AFF1: variants seen among roughly 807,000 people sequenced by gnomAD.
AFF1 encodes AF4/FMR2 family member 1.
A neutral mutation model predicts 121.7 loss-of-function variants in AFF1; 48 were observed. That is an observed-to-expected ratio of 0.39 (90% CI 0.31 to 0.50). AFF1 has a LOEUF of 0.50. AFF1 is among the 20% of genes least tolerant of loss of function. The pLI, the probability that AFF1 is intolerant of heterozygous loss-of-function variation, is 0.76. For synonymous variants in AFF1, 613 were observed against 563.0 expected (o/e 1.09, Z -1.26); for missense variants, 1,523 against 1,511.7 (o/e 1.01, Z -0.12).
In AFF1 at chr4:87,025,967, A is replaced by G. The variant is rs369680572; in HGVS notation, c.39-20199A>G. ...ACACAGCCTTACTCTACCCCTCACCACCATGTTTAGTGAGTAAATGATTTA... is the reference window on the plus strand; with the variant it reads ...ACACAGCCTTACTCTACCCCTCACCGCCATGTTTAGTGAGTAAATGATTTA... On this transcript the variant is annotated intron_variant, in intron 2 of 20. Coordinates refer to ENST00000395146, the MANE Select transcript of AFF1 (RefSeq NM_001166693.3). Among the ~76,000 whole-genome samples, 7 of 151,006 alleles carry G rather than the reference A, an allele frequency of 4.6e-5. No homozygotes were observed. In the East Asian group the frequency reaches 1.4e-3, roughly 30 times the overall value.
At chr4:87,028,136 G>GA (rs1728713100) in intron 2 of AFF1, among the ~76,000 whole-genome samples, 2 of 152,054 alleles carry the variant, frequency 1.3e-5, no homozygotes, top group Admixed American at 1.3e-4. Flanking sequence ...CAGATAAAGG[G>GA]ATACCCAGTC....
intron 2 of AFF1, among the ~76,000 whole-genome samples, chr4:86,960,022 C>G (rs1392095056): frequency 6.6e-6 from 1 of 152,098 alleles, no homozygotes; most frequent in Admixed American, 6.5e-5. Context: ...CTTTTCACAT[C>G]AAAGTGTAAA....
Position 87,137,381 on chromosome 4 carries a change from A to C in AFF1, c.*1680A>C. ...GGAACTCTCTTGGTAGTTTGTAAATACACAAAGGGATGTGTCGAGGGATGG... is the reference window on the plus strand; with the variant it reads ...GGAACTCTCTTGGTAGTTTGTAAATCCACAAAGGGATGTGTCGAGGGATGG... On this transcript the variant is annotated 3_prime_UTR_variant, in exon 21 of 21. Transcript: ENST00000395146. 4.4e-6 allele frequency: 1 copy of C among 229,732 alleles called. No homozygotes were observed. Among genetic ancestry groups the C allele is most frequent in the South Asian group, 1.8e-4 (1 of 5,490 alleles). The allele number at this position is 229,732 out of a possible 1,614,324, so 14.2% of individuals were successfully genotyped here. A position where few individuals can be genotyped will look rare whatever the true frequency, so the allele number is the denominator to read the frequency against.
chr4:87,057,733 T>A (rs916249273), intron 4 of AFF1, among the ~76,000 whole-genome samples: 3 of 152,214 alleles, frequency 2.0e-5, no homozygotes, highest in African/African-American at 7.2e-5. Flanking sequence ...AATTCCCAGT[T>A]AAGAGTTCTA....
chr4:87,013,032 C>CTTTTTTTTTTTTTTTTTTTTT lies in AFF1; in HGVS notation c.39-33128_39-33108dup, dbSNP rs61071328. Among the ~76,000 whole-genome samples the CTTTTTTTTTTTTTTTTTTTTT allele has an allele frequency of 8.6e-5, 8 of 93,490 alleles. 1 individual carries two copies. Among genetic ancestry groups the CTTTTTTTTTTTTTTTTTTTTT allele is most frequent in the Non-Finnish European group, 1.0e-4 (5 of 49,458 alleles). The allele number at this position is 93,490 out of a possible 152,430, so 61.3% of individuals were successfully genotyped here. A position where few individuals can be genotyped will look rare whatever the true frequency, so the allele number is the denominator to read the frequency against. ...AACCAGATTGAACTGCTATCAAGTTCTTTTTTTTTTTTTTTTTTTTTTTTT... is the reference window on the plus strand; with the variant it reads ...AACCAGATTGAACTGCTATCAAGTTCTTTTTTTTTTTTTTTTTTTTTTTTTTTTTTTTTTTTTTTTTTTTTT... On this transcript the variant is annotated intron_variant, in intron 2 of 20. Transcript: ENST00000395146.
At chr4:87,130,239 C>G (rs749746368) in intron 16 of AFF1, among the ~76,000 whole-genome samples, 8 of 152,232 alleles carry the variant, frequency 5.3e-5, no homozygotes, top group South Asian at 2.1e-4. Flanking sequence ...TCCCAAAGTG[C>G]TGGGATTACA....
chr4:87,128,757 G>T (rs1728539143), intron 16 of AFF1, among the ~76,000 whole-genome samples: 1 of 152,172 alleles, frequency 6.6e-6, no homozygotes, highest in Admixed American at 6.5e-5. Flanking sequence ...GCTCAATTCT[G>T]TAAGATAGTC....
intron 12 of AFF1, among the ~76,000 whole-genome samples, chr4:87,119,707 C>A (rs568362574): frequency 6.6e-6 from 1 of 152,334 alleles, no homozygotes. Flanking sequence ...GATAGTCTGT[C>A]TTAATTGTCA....
At chr4:87,117,087 G>A (rs903007630) in intron 12 of AFF1, among the ~76,000 whole-genome samples, 1 of 152,130 alleles carries the variant, frequency 6.6e-6, no homozygotes, top group African/African-American at 2.4e-5. Flanking sequence ...CCTACCAGGT[G>A]GCAATGTTAG....
chr4:87,005,393 G>A (rs1415534878), intron 2 of AFF1, among the ~76,000 whole-genome samples: 1 of 152,174 alleles, frequency 6.6e-6, no homozygotes, highest in Non-Finnish European at 1.5e-5. Context: ...AAGTATTGGC[G>A]AAGCTGGCAA....
chr4:87,072,711 A>C (rs906973321), intron 4 of AFF1, among the ~76,000 whole-genome samples: 4 of 151,768 alleles, frequency 2.6e-5, no homozygotes, highest in African/African-American at 7.3e-5. Flanking sequence ...TTGTATTTTT[A>C]GTAGAGATGG....
intron 12 of AFF1, among the ~76,000 whole-genome samples, chr4:87,116,906 AAG>A (rs1188976185): frequency 6.6e-6 from 1 of 152,116 alleles, no homozygotes; most frequent in Non-Finnish European, 1.5e-5. Flanking sequence ...GGTTAGGAAA[AAG>A]ATACCTGCAG....
intron 2 of AFF1, among the ~76,000 whole-genome samples, chr4:87,011,098 G>GA (rs1241955738): frequency 2.4e-5 from 3 of 122,798 alleles, no homozygotes; most frequent in East Asian, 2.4e-4. Context: ...AAAAAAAAAA[G>GA]AAAAAAAAAA....
Position 87,115,110 on chromosome 4 carries a change from C to A in AFF1, c.2277C>A (p.Leu759=), listed in dbSNP as rs61734707. The change falls in exon 12 of 21, where the codon CTC becomes CTA. Residue 759 remains leucine, a synonymous_variant. Transcript: ENST00000395146. The part of the protein sequence containing the change: ...PLRDTKLLSP[L]RDTPPPQSLM... ...GAGACACCAAGCTGCTCTCACCGCT[C>A]AGGGACACTCCTCCCCCACAAAGCT... 4,726 of 1,614,144 alleles carry A rather than the reference C, an allele frequency of 2.9e-3. 29 individuals carry two copies. Among genetic ancestry groups the A allele is most frequent in the Non-Finnish European group, 2.4e-3 (2,860 of 1,180,020 alleles).
At chr4:86,980,468 G>T (rs1723648533) in intron 2 of AFF1, among the ~76,000 whole-genome samples, 1 of 152,102 alleles carries the variant, frequency 6.6e-6, no homozygotes, top group South Asian at 2.1e-4. Flanking sequence ...TCCAGCCTGG[G>T]CATTGTAGTG....
At chr4:87,030,339 A>G (rs991529561) in intron 2 of AFF1, among the ~76,000 whole-genome samples, 7 of 152,224 alleles carry the variant, frequency 4.6e-5, no homozygotes, top group African/African-American at 9.6e-5. Flanking sequence ...CTATGTTCCA[A>G]TGAATCTTTA....
intron 12 of AFF1, among the ~76,000 whole-genome samples, chr4:87,119,782 C>T (rs1208217182): frequency 2.6e-5 from 4 of 152,116 alleles, no homozygotes; most frequent in African/African-American, 4.8e-5. Flanking sequence ...TCTAAATAAT[C>T]GCTTTGCTGA....
At chr4:87,029,920 G>A (rs1169789146) in intron 2 of AFF1, among the ~76,000 whole-genome samples, 2 of 152,112 alleles carry the variant, frequency 1.3e-5, no homozygotes, top group Admixed American at 1.3e-4. Context: ...TGCCTGCTTG[G>A]CACACTTTCC....
intron 14 of AFF1, among the ~76,000 whole-genome samples, chr4:87,126,651 G>C (rs1001008716): frequency 6.6e-6 from 1 of 152,154 alleles, no homozygotes; most frequent in African/African-American, 2.4e-5. Context: ...TTGAATGTTT[G>C]ATCTCAGATA....
Sources: gnomAD v4.1 joint callset for allele counts (sites outside exome capture counted in the v4.1 genomes callset) on GRCh38, gnomAD v4.1.1 for gene constraint, MANE v1.5 for transcripts, NCBI Gene and HGNC (gene_info 2026-07-23, HGNC 2026-07-21) for gene names.